ARF1: variants seen among roughly 807,000 people sequenced by gnomAD.
ARF1 encodes the protein ADP-ribosylation factor 1.
A neutral mutation model predicts 18.0 loss-of-function variants in ARF1; 1 was observed. The ratio of observed to expected loss-of-function variants is 0.06; its 90% confidence interval spans 0.02 to 0.26. The LOEUF (loss-of-function observed/expected upper bound fraction) is 0.26. ARF1 is among the 10% of genes least tolerant of loss of function. The probability of loss-of-function intolerance (pLI) is 1.00; values close to 1 mark genes in which losing one functional copy is unlikely to be tolerated. For missense variants in ARF1, 73 were observed against 247.2 expected, an observed-to-expected ratio of 0.30 and a Z score of 4.73; for synonymous variants, 112 against 96.3, an observed-to-expected ratio of 1.16 and a Z score of -0.95.
rs2032517605 is a variant in ARF1, at chr1:228,089,754, T to C, written c.-38+6989T>C. On this transcript the variant is annotated intron_variant, in intron 1 of 4. Coordinates refer to ENST00000272102, the MANE Select transcript of ARF1 (RefSeq NM_001658.4). This position sits in a 1 kb window ranked among gnomAD's most constrained non-coding sequence, Gnocchi z 4.1. ...GTGTGCTGTTCCAGTTCCCCTTTTTTTTTTCAAGTGGTGTAGAAAGGGGCC... is the reference window on the plus strand; with the variant it reads ...GTGTGCTGTTCCAGTTCCCCTTTTTCTTTTCAAGTGGTGTAGAAAGGGGCC... Among the ~76,000 whole-genome samples, 1 of 152,084 alleles carries C rather than the reference T, an allele frequency of 6.6e-6. No homozygotes were observed. The highest frequency in any genetic ancestry group is 1.5e-5 in the Non-Finnish European group (1 of 68,008).
intron 1 of ARF1, among the ~76,000 whole-genome samples, chr1:228,085,322 C>T (rs2032358335): frequency 6.6e-6 from 1 of 152,256 alleles, no homozygotes; most frequent in South Asian, 2.1e-4. Flanking sequence ...GGCATAGTTG[C>T]ATTTATTGCC....
intron 1 of ARF1, among the ~76,000 whole-genome samples, chr1:228,086,035 C>T (rs186173462): frequency 9.1e-4 from 139 of 152,300 alleles, no homozygotes; most frequent in African/African-American, 3.2e-3. Context: ...CAGCCCCACC[C>T]TCCAATTTTC....
rs190988870 is a variant in ARF1, at chr1:228,087,473, T to G, written c.-38+4708T>G. Among the ~76,000 whole-genome samples, 20 of 152,296 alleles carry G rather than the reference T, an allele frequency of 1.3e-4. No individual in the cohort carries two copies. In the East Asian group the frequency reaches 3.7e-3, roughly 28 times the overall value. ...GCAATTTTGGTGGTGACATTTTCCT[T>G]AAAATATTTGTACTAGCCAGGCACT... On this transcript the variant is annotated intron_variant, in intron 1 of 4. Coordinates refer to ENST00000272102, the MANE Select transcript of ARF1 (RefSeq NM_001658.4).
chr1:228,092,267 A>G (rs901373703), intron 1 of ARF1, among the ~76,000 whole-genome samples: 2 of 152,208 alleles, frequency 1.3e-5, no homozygotes, highest in African/African-American at 4.8e-5. Context: ...TGGGCAGGAT[A>G]GCGAGACCCT....
At chr1:228,090,369 C>T (rs993339877) in intron 1 of ARF1, 3 of 152,252 alleles carry the variant, frequency 2.0e-5, no homozygotes, top group Admixed American at 1.3e-4. Flanking sequence ...ACCAAACTGA[C>T]CTCAAACTGC....
chr1:228,098,134 C>A lies in ARF1; in HGVS notation c.*121C>A. 1 of 1,248,208 alleles carries A rather than the reference C, an allele frequency of 8.0e-7. No homozygotes were observed. Among genetic ancestry groups the A allele is most frequent in the Non-Finnish European group, 1.1e-6 (1 of 916,804 alleles). The allele number at this position is 1,248,208 out of a possible 1,614,324, so 77.3% of individuals were successfully genotyped here. A position where few individuals can be genotyped will look rare whatever the true frequency, so the allele number is the denominator to read the frequency against. ...TGGTTTGGTCACCGTGTGCATCGCA[C>A]CGTGCTGTAAATGTGGCAGACGCAG... On this transcript the variant is annotated 3_prime_UTR_variant, in exon 5 of 5. Coordinates refer to ENST00000272102, the MANE Select transcript of ARF1 (RefSeq NM_001658.4).
Position 228,097,771 on chromosome 1 carries a change from TG to T in ARF1, c.384+58del, listed in dbSNP as rs1205866604. ...AGGAGCCAGTGTGGGTTCCGCCTGGTGGTAGGGGTTACTGGAGGCTGGTGGG... is the reference window on the plus strand; with the variant it reads ...AGGAGCCAGTGTGGGTTCCGCCTGGTGTAGGGGTTACTGGAGGCTGGTGGG... On this transcript the variant is annotated intron_variant, in intron 4 of 4. Coordinates refer to ENST00000272102, the MANE Select transcript of ARF1 (RefSeq NM_001658.4). This position sits in a 1 kb window ranked among gnomAD's most constrained non-coding sequence, Gnocchi z 8.1. 1.9e-6 allele frequency: 3 copies of T among 1,589,492 alleles called. No homozygotes were observed. The highest frequency in any genetic ancestry group is 2.6e-6 in the Non-Finnish European group (3 of 1,166,486).
chr1:228,084,751 C>G (rs956761984), intron 1 of ARF1, among the ~76,000 whole-genome samples: 1 of 152,218 alleles, frequency 6.6e-6, no homozygotes, highest in African/African-American at 2.4e-5. Flanking sequence ...CTGCGGTGAT[C>G]ATGGAAGTAG....
chr1:228,092,937 TG>T (rs879869732), intron 1 of ARF1, among the ~76,000 whole-genome samples: 3 of 152,236 alleles, frequency 2.0e-5, no homozygotes, highest in Non-Finnish European at 4.4e-5. Context: ...TCCCGTTCTT[TG>T]GTGTAATGCC....
chr1:228,097,947 C>T lies in ARF1; in HGVS notation c.480C>T (p.Ala160=), dbSNP rs942830209. 21 of 1,614,098 alleles carry T rather than the reference C, an allele frequency of 1.3e-5. No homozygotes were observed. Among genetic ancestry groups the T allele is most frequent in the African/African-American group, 4.0e-5 (3 of 74,934 alleles). The change falls in exon 5 of 5, where the codon GCC becomes GCT. Residue 160 remains alanine (A), a synonymous_variant. Coordinates refer to ENST00000272102, the MANE Select transcript of ARF1 (RefSeq NM_001658.4). The surrounding 1 kb of genome is among the most constrained non-coding windows in gnomAD (Gnocchi z 8.1). The part of the protein sequence containing the change: ...HRNWYIQATC[A]TSGDGLYEGL... Reference sequence around the variant, plus strand: ...ACTGGTACATTCAGGCCACCTGCGCCACCAGCGGCGACGGGCTCTATGAAG... The same window carrying T: ...ACTGGTACATTCAGGCCACCTGCGCTACCAGCGGCGACGGGCTCTATGAAG...
chr1:228,086,286 C>CG (rs1314741789), intron 1 of ARF1, among the ~76,000 whole-genome samples: 1 of 152,004 alleles, frequency 6.6e-6, no homozygotes, highest in African/African-American at 2.4e-5. Flanking sequence ...GAGGCTGAGG[C>CG]GGGTGGATCA....
Position 228,098,816 on chromosome 1 carries a change from C to CAGACACTTGGCAGGATGCCAA in ARF1, c.*803_*804insAGACACTTGGCAGGATGCCAA. On this transcript the variant is annotated 3_prime_UTR_variant, in exon 5 of 5. Coordinates refer to ENST00000272102, the MANE Select transcript of ARF1 (RefSeq NM_001658.4). ...GAGTGGGTCCGTCGTCCCCAACACT[C>CAGACACTTGGCAGGATGCCAA]GTGCTCGCTCAGACACTTTGGCAGG... The CAGACACTTGGCAGGATGCCAA allele has an allele frequency of 6.5e-6, 1 of 152,672 alleles. No individual in the cohort carries two copies. Among genetic ancestry groups the CAGACACTTGGCAGGATGCCAA allele is most frequent in the Non-Finnish European group, 1.5e-5 (1 of 68,046 alleles). The allele number at this position is 152,672 out of a possible 1,614,324, so 9.5% of individuals were successfully genotyped here.
chr1:228,097,583 C>T lies in ARF1; in HGVS notation c.260-8C>T. The T allele has an allele frequency of 6.2e-7, 1 of 1,614,148 alleles. No individual in the cohort carries two copies. The highest frequency in any genetic ancestry group is 8.5e-7 in the Non-Finnish European group (1 of 1,180,012). ...TCCCATGACCATTTGACACTGGCTG[C>T]CCGGCAGGCCTGATCTTCGTGGTGG... On this transcript the variant is annotated splice_region_variant and splice_polypyrimidine_tract_variant and intron_variant, in intron 3 of 4. Transcript: ENST00000272102. The surrounding 1 kb of genome is among the most constrained non-coding windows in gnomAD (Gnocchi z 8.1).
In ARF1 at chr1:228,097,906, T is replaced by A; in HGVS notation, c.439T>A (p.Ser147Thr). The change falls in exon 5 of 5, where the codon TCA (serine) becomes ACA (threonine). Residue 147 changes from serine (S) to threonine (T), a missense_variant. By Grantham distance (58) the Ser-to-Thr change is moderately conservative (BLOSUM62 1). Coordinates refer to ENST00000272102, the MANE Select transcript of ARF1 (RefSeq NM_001658.4). The surrounding 1 kb of genome is among the most constrained non-coding windows in gnomAD (Gnocchi z 8.1). ...GATCACAGACAAGCTGGGGCTGCAC[T>A]CACTACGCCACAGGAACTGGTACAT... ...AEITDKLGLHSLRHRNWYIQA... is the reference protein window; with the variant it reads ...AEITDKLGLHTLRHRNWYIQA... 6.2e-7 allele frequency: 1 copy of A among 1,614,000 alleles called. No individual in the cohort carries two copies.
intron 1 of ARF1, among the ~76,000 whole-genome samples, chr1:228,084,133 C>A (rs1050249281): frequency 1.3e-5 from 2 of 152,308 alleles, no homozygotes; most frequent in South Asian, 2.1e-4. Context: ...TCTGCTGTTG[C>A]GTTAGCCATT....
chr1:228,095,185 T>C (rs1285375818), intron 1 of ARF1, among the ~76,000 whole-genome samples: 1 of 151,944 alleles, frequency 6.6e-6, no homozygotes, highest in Non-Finnish European at 1.5e-5. Context: ...TATTCTGTCT[T>C]CAGTCTCCTG....
At position 228,097,325 on chromosome 1, in the gene ARF1, C is replaced by G; in HGVS notation, c.149-17C>G. On this transcript the variant is annotated splice_polypyrimidine_tract_variant and intron_variant, in intron 2 of 4. Transcript: ENST00000272102. The surrounding 1 kb of genome is among the most constrained non-coding windows in gnomAD (Gnocchi z 8.1). ...CTGGGCCAAGGTACAAGGCCTCACC[C>G]TGCATCCCGCACCCAGGCTTCAACG... 1.9e-6 allele frequency: 3 copies of G among 1,612,978 alleles called. No homozygotes were observed. Among genetic ancestry groups the G allele is most frequent in the South Asian group, 1.1e-5 (1 of 90,874 alleles).
In ARF1 at chr1:228,098,264, A is replaced by G. The variant is rs190969663; in HGVS notation, c.*251A>G. Reference sequence around the variant, plus strand: ...CTCAGCTTTTTTTATTGTAAAAAGAAAAATCAACTCACTGTTCAGTGCTGA... The same window carrying G: ...CTCAGCTTTTTTTATTGTAAAAAGAGAAATCAACTCACTGTTCAGTGCTGA... On this transcript the variant is annotated 3_prime_UTR_variant, in exon 5 of 5. Transcript: ENST00000272102. 1 of 393,610 alleles carries G rather than the reference A, an allele frequency of 2.5e-6. No homozygotes were observed. Among genetic ancestry groups the G allele is most frequent in the African/African-American group, 2.1e-5 (1 of 48,386 alleles). The allele number at this position is 393,610 out of a possible 1,614,324, so 24.4% of individuals were successfully genotyped here.
In ARF1 at chr1:228,097,935, G is replaced by A; in HGVS notation, c.468G>A (p.Gln156=). 1 of 1,614,196 alleles carries A rather than the reference G, an allele frequency of 6.2e-7. No homozygotes were observed. Among genetic ancestry groups the A allele is most frequent in the Non-Finnish European group, 8.5e-7 (1 of 1,180,038 alleles). ...HSLRHRNWYI[Q]ATCATSGDGL... The stretch of plus-strand genomic sequence containing the variant: ...TACGCCACAGGAACTGGTACATTCA[G>A]GCCACCTGCGCCACCAGCGGCGACG... The change falls in exon 5 of 5, where the codon CAG becomes CAA. Residue 156 remains glutamine, a synonymous_variant. Transcript: ENST00000272102. This position sits in a 1 kb window ranked among gnomAD's most constrained non-coding sequence, Gnocchi z 8.1.
Sources: allele counts gnomAD v4.1 joint callset (sites outside exome capture counted in the v4.1 genomes callset), GRCh38; gene constraint gnomAD v4.1.1; non-coding constraint Gnocchi (gnomAD v3.1); transcripts MANE v1.5; gene names NCBI Gene and HGNC (gene_info 2026-07-23, HGNC 2026-07-21).